Variants in CDHR3 observed in about 807,000 individuals in gnomAD.
CDHR3 encodes cadherin related family member 3.
In CDHR3, 79 loss-of-function variants were observed where a neutral mutation model predicts 86.6. That is an observed-to-expected ratio of 0.91 (90% confidence interval 0.76 to 1.10). The LOEUF is 1.10. CDHR3 is among the 50% of genes least tolerant of loss of function. The pLI, the probability that CDHR3 is intolerant of heterozygous loss-of-function variation, is 0.00. For missense variants in CDHR3, 1,081 were observed against 1,077.6 expected (o/e 1.00, Z -0.04); for synonymous variants, 421 against 402.4 (o/e 1.05, Z -0.55).
At position 106,030,993 on chromosome 7, in the gene CDHR3, C is replaced by CAACG. The variant is rs1018036429; in HGVS notation, c.2353+154_2353+157dup. ...AGTGCTGACTCTTCTAGGCTAAATA[C>CAACG]AACGTGAGATCAGCTGTGAACCCAG... On this transcript the variant is annotated intron_variant, in intron 18 of 18. Coordinates refer to ENST00000317716, the MANE Select transcript of CDHR3 (RefSeq NM_152750.5). The surrounding 1 kb of genome is among the most constrained non-coding windows in gnomAD (Gnocchi z 4.8). 3.9e-5 allele frequency among the ~76,000 whole-genome samples: 6 copies of CAACG among 152,186 alleles called. No individual in the cohort carries two copies. Among genetic ancestry groups the CAACG allele is most frequent in the African/African-American group, 1.4e-4 (6 of 41,444 alleles).
chr7:105,986,831 G>C (rs1830596096), intron 4 of CDHR3, among the ~76,000 whole-genome samples: 1 of 152,144 alleles, frequency 6.6e-6, no homozygotes, highest in African/African-American at 2.4e-5. Context: ...TGCTTCAGGG[G>C]AGAAAGTTGG....
chr7:105,963,396 T>C (rs764291753), intron 1 of CDHR3, 32 bp downstream of exon 1: 25 of 1,608,318 alleles, frequency 1.6e-5, no homozygotes, highest in African/African-American at 1.3e-5. Flanking sequence ...GGAACCTTGC[T>C]TGCCTACTTG....
At chr7:106,012,789 A>C in intron 8 of CDHR3, 71 bp from the exon 9 acceptor site, 270 of 1,385,914 alleles carry the variant, frequency 1.9e-4, no homozygotes, top group Non-Finnish European at 2.4e-4. Flanking sequence ...TGTCTAGCCC[A>C]GGGCCCATGT....
At position 106,028,576 on chromosome 7, in the gene CDHR3, C is replaced by G; in HGVS notation, c.2298C>G (p.Val766=). The change falls in exon 17 of 19, where the codon GTC becomes GTG. Residue 766 remains valine, a synonymous_variant. Coordinates refer to ENST00000317716, the MANE Select transcript of CDHR3 (RefSeq NM_152750.5). Reference sequence around the variant, plus strand: ...AAACGAAGACTGCAGAGAGAGACGTCGTGGTGGTGAGTATGGGCAGTGTGG... The same window carrying G: ...AAACGAAGACTGCAGAGAGAGACGTGGTGGTGGTGAGTATGGGCAGTGTGG... The part of the protein sequence containing the change: ...KGETKTAERD[V]VVETIQMNTI... 6.2e-7 allele frequency: 1 copy of G among 1,613,890 alleles called. No homozygotes were observed. Among genetic ancestry groups the G allele is most frequent in the Non-Finnish European group, 8.5e-7 (1 of 1,179,858 alleles).
chr7:106,002,928 G>C (rs1218494507), intron 7 of CDHR3, among the ~76,000 whole-genome samples: 1 of 152,158 alleles, frequency 6.6e-6, no homozygotes, highest in Non-Finnish European at 1.5e-5. Flanking sequence ...GAGCCCAGGA[G>C]TTTGAGACCA....
chr7:106,030,898 C>G lies in CDHR3; in HGVS notation c.2353+58C>G. The G allele has an allele frequency of 6.8e-7, 1 of 1,475,654 alleles. No homozygotes were observed. Among genetic ancestry groups the G allele is most frequent in the Non-Finnish European group, 9.4e-7 (1 of 1,069,512 alleles). The allele number at this position is 1,475,654 out of a possible 1,614,324, so 91.4% of individuals were successfully genotyped here. A position where few individuals can be genotyped will look rare whatever the true frequency, so the allele number is the denominator to read the frequency against. ...TTTTTATATTCCAGACTGGTAGAAG[C>G]ATGGAGGATCTTATCCAATTTCCTG... On this transcript the variant is annotated intron_variant, in intron 18 of 18. Coordinates refer to ENST00000317716, the MANE Select transcript of CDHR3 (RefSeq NM_152750.5). This position sits in a 1 kb window ranked among gnomAD's most constrained non-coding sequence, Gnocchi z 4.8.
chr7:105,963,277 TG>T lies in CDHR3; in HGVS notation c.-40del. On this transcript the variant is annotated 5_prime_UTR_variant, in exon 1 of 19. Coordinates refer to ENST00000317716, the MANE Select transcript of CDHR3 (RefSeq NM_152750.5). Reference sequence around the variant, plus strand: ...TGGGTGTGAGACGGGATTCAGGCTGTGGCTAATGTGCTGGAAGCACGCACAG... The same window carrying T: ...TGGGTGTGAGACGGGATTCAGGCTGTGCTAATGTGCTGGAAGCACGCACAG... 1 of 1,605,848 alleles carries T rather than the reference TG, an allele frequency of 6.2e-7. No individual in the cohort carries two copies. Among genetic ancestry groups the T allele is most frequent in the Non-Finnish European group, 8.5e-7 (1 of 1,172,920 alleles).
chr7:105,999,102 A>C (rs1284072312), intron 6 of CDHR3, among the ~76,000 whole-genome samples: 1 of 152,240 alleles, frequency 6.6e-6, no homozygotes, highest in Non-Finnish European at 1.5e-5. Flanking sequence ...ACGGGGAAGA[A>C]GGATGTGGGA....
At chr7:105,971,140 CAAA>C (rs5886378) in intron 1 of CDHR3, among the ~76,000 whole-genome samples, 7 of 136,862 alleles carry the variant, frequency 5.1e-5, no homozygotes, top group Non-Finnish European at 7.7e-5. Context: ...GACTCCATTT[CAAA>C]AAAAAAAAAA....
chr7:105,988,539 A>G (rs761206097), intron 4 of CDHR3, among the ~76,000 whole-genome samples: 1 of 152,242 alleles, frequency 6.6e-6, no homozygotes, highest in Non-Finnish European at 1.5e-5. Context: ...TTGAAACCTC[A>G]ACCCCTTTAA....
intron 17 of CDHR3, among the ~76,000 whole-genome samples, chr7:106,029,602 CT>C (rs2115924940): frequency 6.6e-6 from 1 of 151,934 alleles, no homozygotes; most frequent in South Asian, 2.1e-4. Context: ...TATCTACCCC[CT>C]GGGAAGTGAA....
chr7:105,975,438 A>G (rs909846209), intron 2 of CDHR3, among the ~76,000 whole-genome samples: 1 of 152,126 alleles, frequency 6.6e-6, no homozygotes, highest in African/African-American at 2.4e-5. Flanking sequence ...CTGCTTTCCT[A>G]TGAGTCTGAT....
rs975990433 is a variant in CDHR3 at position 106,035,032 on chromosome 7, T to C, written c.*2335T>C. ...AGGCAGAAGTTGCAGTGGGCTGAGA[T>C]TGCGCCACTGCACTCCAGCCTGGGT... On this transcript the variant is annotated 3_prime_UTR_variant, in exon 19 of 19. Transcript: ENST00000317716. Among the ~76,000 whole-genome samples, 16 of 151,388 alleles carry C rather than the reference T, an allele frequency of 1.1e-4. No individual in the cohort carries two copies. Among genetic ancestry groups the C allele is most frequent in the African/African-American group, 1.7e-4 (7 of 41,094 alleles).
At chr7:106,025,108 G>C (rs1837161653) in intron 15 of CDHR3, among the ~76,000 whole-genome samples, 1 of 152,112 alleles carries the variant, frequency 6.6e-6, no homozygotes, top group Non-Finnish European at 1.5e-5. Flanking sequence ...CCAGTTTTCA[G>C]CTGCCCACTA....
In CDHR3 at chr7:106,016,436, G is replaced by A. The variant is rs1835632521; in HGVS notation, c.1426+411G>A. Among the ~76,000 whole-genome samples, 3 of 152,050 alleles carry A rather than the reference G, an allele frequency of 2.0e-5. No homozygotes were observed. The South Asian group carries it at 6.2e-4, about 32-fold the overall frequency. ...TTCCTTCATTTACAAACAAAATAAA[G>A]GCATTTTCTCTCTCCCCTACTAAGA... is the stretch of plus-strand genomic sequence containing the variant. On this transcript the variant is annotated intron_variant, in intron 11 of 18. Transcript: ENST00000317716.
chr7:105,978,040 T>G (rs1829094453), intron 2 of CDHR3, among the ~76,000 whole-genome samples: 1 of 152,204 alleles, frequency 6.6e-6, no homozygotes, highest in Non-Finnish European at 1.5e-5. Flanking sequence ...GCTTGCACAC[T>G]GAAGGTGGGA....
rs1554534802 is a variant in CDHR3 at position 106,032,553 on chromosome 7, G to A, written c.2514G>A (p.Trp838Ter). The change falls in exon 19 of 19, where the codon TGG (tryptophan) becomes TGA (stop). Residue 838 changes from tryptophan (W) to a stop codon, truncating the protein, a stop_gained. Coordinates refer to ENST00000317716, the MANE Select transcript of CDHR3 (RefSeq NM_152750.5). LOFTEE classifies it low-confidence loss of function (END_TRUNC). Reference sequence around the variant, plus strand: ...TGGGGTCACTGAGAAGTGCCAACTGGGAAGAAGATGAGCTGAGTGGCAAAG... The same window carrying A: ...TGGGGTCACTGAGAAGTGCCAACTGAGAAGAAGATGAGCTGAGTGGCAAAG... ...EGMGSLRSAN[W>*]EEDELSGKAW... 1 of 1,613,992 alleles carries A rather than the reference G, an allele frequency of 6.2e-7. No individual in the cohort carries two copies. The highest frequency in any genetic ancestry group is 1.1e-5 in the South Asian group (1 of 91,082).
chr7:106,001,117 G>T (rs1018338693), intron 6 of CDHR3, among the ~76,000 whole-genome samples: 1 of 152,182 alleles, frequency 6.6e-6, no homozygotes, highest in African/African-American at 2.4e-5. Context: ...GTGGGAAAAT[G>T]AGAAAAGATA....
intron 3 of CDHR3, among the ~76,000 whole-genome samples, chr7:105,983,853 A>T (rs1830143199): frequency 6.6e-6 from 1 of 152,132 alleles, no homozygotes; most frequent in Non-Finnish European, 1.5e-5. Context: ...GGATCCTCAC[A>T]CCGGAGGTTC....
Sources: allele counts gnomAD v4.1 joint callset (sites outside exome capture counted in the v4.1 genomes callset), GRCh38; gene constraint gnomAD v4.1.1; non-coding constraint Gnocchi (gnomAD v3.1); transcripts MANE v1.5; gene names NCBI Gene and HGNC (gene_info 2026-07-23, HGNC 2026-07-21).